The following PPARGC1B variants were observed in gnomAD, a reference collection of about 807,000 sequenced individuals.
The protein encoded by PPARGC1B is PPARG coactivator 1 beta, also known as peroxisome proliferator-activated receptor gamma coactivator 1-beta.
In PPARGC1B, 34 loss-of-function variants were observed where a neutral mutation model predicts 101.6. The observed-to-expected ratio is 0.33, with a 90% CI of 0.25 to 0.45. The LOEUF (loss-of-function observed/expected upper bound fraction) is 0.45, where lower values mean the gene tolerates loss of function less well. Ranked by LOEUF, PPARGC1B falls within the 20% of genes least tolerant of loss-of-function variation. PPARGC1B has a pLI of 1.00. For missense variants in PPARGC1B, 1,234 were observed against 1,317.6 expected, an observed-to-expected ratio of 0.94 and a Z score of 0.98; for synonymous variants, 548 against 539.3, an observed-to-expected ratio of 1.02 and a Z score of -0.22.
intron 1 of PPARGC1B, among the ~76,000 whole-genome samples, chr5:149,762,761 A>G (rs939203391): frequency 6.6e-6 from 1 of 152,004 alleles, no homozygotes; most frequent in African/African-American, 2.4e-5. Flanking sequence ...TTTATCCTCT[A>G]GTTCTCCCTC....
chr5:149,814,405 T>A, intron 1 of PPARGC1B, among the ~76,000 whole-genome samples: 1 of 152,100 alleles, frequency 6.6e-6, no homozygotes, highest in East Asian at 1.9e-4. Flanking sequence ...AAGTACAGAA[T>A]TGTATCAAAT....
At chr5:149,843,773 A>C (rs1226280011) in intron 10 of PPARGC1B, among the ~76,000 whole-genome samples, 1 of 152,234 alleles carries the variant, frequency 6.6e-6, no homozygotes, top group Non-Finnish European at 1.5e-5. Context: ...AGATAAACAA[A>C]ATATGGTTTC....
intron 1 of PPARGC1B, among the ~76,000 whole-genome samples, chr5:149,736,745 G>C (rs1754726365): frequency 6.6e-6 from 1 of 152,054 alleles, no homozygotes; most frequent in Admixed American, 6.5e-5. Flanking sequence ...TGGCTCCTCA[G>C]TACATTTTTT....
chr5:149,826,755 C>T lies in PPARGC1B; in HGVS notation c.335C>T (p.Ala112Val). 1.2e-6 allele frequency: 2 copies of T among 1,614,006 alleles called. No homozygotes were observed. The highest frequency in any genetic ancestry group is 1.7e-4 in the Middle Eastern group (1 of 6,060). ...DIPEDDVGLA[A>V]FPALDGGDAL... The stretch of plus-strand genomic sequence containing the variant: ...CCTGAAGATGACGTGGGTCTGGCTG[C>T]CTTCCCAGCCCTGGATGGTGGAGAC... The change falls in exon 3 of 12, where the codon GCC becomes GTC. Residue 112 changes from alanine (A) to valine (V), a missense_variant. By Grantham distance (64) the Ala-to-Val change is moderately conservative. Around this residue, in one of 3 missense-constraint regions of PPARGC1B, gnomAD observed 734 missense variants for 768.4 expected, o/e 0.96. Transcript: ENST00000309241.
At chr5:149,743,878 G>A (rs1447376852) in intron 1 of PPARGC1B, among the ~76,000 whole-genome samples, 1 of 152,218 alleles carries the variant, frequency 6.6e-6, no homozygotes, top group Non-Finnish European at 1.5e-5. Context: ...AATCCAGTCT[G>A]TTCCAGGGCA....
intron 1 of PPARGC1B, among the ~76,000 whole-genome samples, chr5:149,774,616 G>C (rs1756282937): frequency 6.6e-6 from 1 of 151,566 alleles, no homozygotes; most frequent in African/African-American, 2.4e-5. Flanking sequence ...TAGCATGCAG[G>C]CCACACCTCT....
At chr5:149,802,098 G>T (rs1488721483) in intron 1 of PPARGC1B, among the ~76,000 whole-genome samples, 1 of 152,158 alleles carries the variant, frequency 6.6e-6, no homozygotes, top group African/African-American at 2.4e-5. Flanking sequence ...CTGGATAAGT[G>T]TTCTCCAGTT....
Position 149,847,368 on chromosome 5 carries a change from C to T in PPARGC1B, c.2972-90C>T, listed in dbSNP as rs745479772. On this transcript the variant is annotated intron_variant, in intron 11 of 11. Transcript: ENST00000309241. Reference sequence around the variant, plus strand: ...TGGGCTGCAGCCACTCCACGGTGCCCACTCATAGTGGCAGATTCTTCAACC... The same window carrying T: ...TGGGCTGCAGCCACTCCACGGTGCCTACTCATAGTGGCAGATTCTTCAACC... 5.2e-6 allele frequency: 5 copies of T among 958,558 alleles called. No individual in the cohort carries two copies. In the East Asian group the frequency reaches 9.5e-5, roughly 18 times the overall value. The allele number at this position is 958,558 out of a possible 1,614,324, so 59.4% of individuals were successfully genotyped here.
chr5:149,752,192 T>C (rs1453026199), intron 1 of PPARGC1B, among the ~76,000 whole-genome samples: 1 of 152,236 alleles, frequency 6.6e-6, no homozygotes, highest in Non-Finnish European at 1.5e-5. Context: ...CTACATACTA[T>C]GTACCGCATC....
intron 1 of PPARGC1B, among the ~76,000 whole-genome samples, chr5:149,761,095 C>T (rs1755700854): frequency 1.3e-5 from 2 of 152,076 alleles, no homozygotes. Flanking sequence ...TTTCTTTTTC[C>T]AGCTTTATTG....
intron 1 of PPARGC1B, among the ~76,000 whole-genome samples, chr5:149,765,639 A>G (rs1190496232): frequency 6.6e-6 from 1 of 152,264 alleles, no homozygotes; most frequent in Admixed American, 6.5e-5. Flanking sequence ...CGGGCGGATC[A>G]CAAGGTCAGG....
At chr5:149,745,147 TGCCTCG>T (rs1283784855) in intron 1 of PPARGC1B, among the ~76,000 whole-genome samples, 1 of 152,108 alleles carries the variant, frequency 6.6e-6, no homozygotes, top group Admixed American at 6.6e-5. Context: ...GCGATCCTAT[TGCCTCG>T]GCCTCCCAAA....
intron 3 of PPARGC1B, among the ~76,000 whole-genome samples, chr5:149,830,237 A>T (rs1480416515): frequency 1.3e-5 from 2 of 151,094 alleles, no homozygotes; most frequent in East Asian, 3.9e-4. Context: ...AGTATTTGTG[A>T]TGTGTCTTCT....
chr5:149,793,111 C>G (rs1757082188), intron 1 of PPARGC1B, among the ~76,000 whole-genome samples: 1 of 152,058 alleles, frequency 6.6e-6, no homozygotes, highest in African/African-American at 2.4e-5. Context: ...CTGGGCCTCC[C>G]TGTGGTTCCC....
chr5:149,810,926 G>A (rs1757829607), intron 1 of PPARGC1B, among the ~76,000 whole-genome samples: 1 of 152,162 alleles, frequency 6.6e-6, no homozygotes, highest in African/African-American at 2.4e-5. Context: ...TCCATCATAA[G>A]ACTTTATTTC....
intron 2 of PPARGC1B, among the ~76,000 whole-genome samples, chr5:149,826,298 T>G (rs1758515494): frequency 6.6e-6 from 1 of 152,186 alleles, no homozygotes; most frequent in Admixed American, 6.5e-5. Context: ...GGGTTGCTGC[T>G]ACCAGTGTGG....
chr5:149,835,345 T>C lies in PPARGC1B; in HGVS notation c.1787T>C (p.Val596Ala), dbSNP rs1759004741. The change falls in exon 7 of 12, where the codon GTG (valine) becomes GCG (alanine). Residue 596 changes from valine to alanine, a missense_variant. Coordinates refer to ENST00000309241, the MANE Select transcript of PPARGC1B (RefSeq NM_133263.4). ...AAGAGCTTTGAGCAGACCTTGACAG[T>C]GGAGCTCTGTGGCACAGCAGGTGAG... ...GKKSFEQTLT[V>A]ELCGTAGLTP... 6.2e-7 allele frequency: 1 copy of C among 1,614,042 alleles called. No homozygotes were observed. The highest frequency in any genetic ancestry group is 1.1e-5 in the South Asian group (1 of 91,084).
At chr5:149,811,587 G>C (rs1179275253) in intron 1 of PPARGC1B, among the ~76,000 whole-genome samples, 1 of 152,168 alleles carries the variant, frequency 6.6e-6, no homozygotes, top group Non-Finnish European at 1.5e-5. Context: ...GGCACCTTAG[G>C]CATTAGTAAA....
At chr5:149,802,511 C>G (rs1225621813) in intron 1 of PPARGC1B, among the ~76,000 whole-genome samples, 1 of 151,756 alleles carries the variant, frequency 6.6e-6, no homozygotes, top group Non-Finnish European at 1.5e-5. Context: ...GATGTGCAGG[C>G]AGGATTTGGG....
Sources: allele counts gnomAD v4.1 joint callset (sites outside exome capture counted in the v4.1 genomes callset), GRCh38; gene constraint gnomAD v4.1.1; regional missense constraint gnomAD v4.1.1; transcripts MANE v1.5; gene names NCBI Gene and HGNC (gene_info 2026-07-23, HGNC 2026-07-21).